BIRC6: variants seen among roughly 807,000 people sequenced by gnomAD.
BIRC6 encodes dual E2 ubiquitin-conjugating enzyme/E3 ubiquitin-protein ligase BIRC6.
In BIRC6, 98 loss-of-function variants were observed where a neutral mutation model predicts 503.3. The observed-to-expected ratio is 0.19, with a 90% CI of 0.17 to 0.23. The LOEUF (loss-of-function observed/expected upper bound fraction) is 0.23, where lower values mean the gene tolerates loss of function less well. Ranked by LOEUF, BIRC6 falls within the 10% of genes least tolerant of loss-of-function variation. BIRC6 has a pLI of 1.00. For missense variants in BIRC6, 5,360 were observed against 5,806.0 expected (o/e 0.92, Z 2.50); for synonymous variants, 2,240 against 2,078.7 (o/e 1.08, Z -2.11).
intron 23 of BIRC6, among the ~76,000 whole-genome samples, chr2:32,457,936 T>C (rs1254685654): frequency 1.3e-5 from 2 of 152,144 alleles, no homozygotes; most frequent in African/African-American, 4.8e-5. Context: ...AGATCTAATA[T>C]CTGATAATTA....
intron 10 of BIRC6, among the ~76,000 whole-genome samples, chr2:32,428,314 G>C (rs78713323): frequency 1.3e-5 from 2 of 152,168 alleles, no homozygotes; most frequent in Non-Finnish European, 2.9e-5. Flanking sequence ...ATGTAATTCT[G>C]TGTTAAATCC....
At chr2:32,541,532 G>T (rs2057665194) in intron 61 of BIRC6, among the ~76,000 whole-genome samples, 1 of 152,012 alleles carries the variant, frequency 6.6e-6, no homozygotes, top group African/African-American at 2.4e-5. Context: ...TCACCCCACA[G>T]AGTTACCTAT....
At chr2:32,436,582 GTTTGTT>G (rs930201724) in intron 15 of BIRC6, among the ~76,000 whole-genome samples, 6 of 151,974 alleles carry the variant, frequency 3.9e-5, no homozygotes, top group African/African-American at 1.4e-4. Context: ...TATTTTGTTT[GTTTGTT>G]TTTGTTTTTT....
intron 53 of BIRC6, 23 bp downstream of exon 53, chr2:32,510,657 A>G (rs2149605943): frequency 6.9e-7 from 1 of 1,439,372 alleles, no homozygotes; most frequent in East Asian, 2.3e-5. Flanking sequence ...TTTTCATTTA[A>G]TTAAGCACAC....
intron 65 of BIRC6, among the ~76,000 whole-genome samples, chr2:32,553,502 CTCAGCCACCCGAGTAGCTGGGACT>C (rs2058578715): frequency 6.6e-6 from 1 of 151,960 alleles, no homozygotes; most frequent in South Asian, 2.1e-4. Context: ...GTTCTCATGC[CTCAGCCACCCGAGTAGCTGGGACT>C]GCAGGCACCC....
intron 50 of BIRC6, among the ~76,000 whole-genome samples, chr2:32,506,621 A>AAGCAT (rs1313767344): frequency 1.3e-5 from 2 of 152,248 alleles, no homozygotes; most frequent in African/African-American, 4.8e-5. Flanking sequence ...TTGAAACAGG[A>AAGCAT]AGCATATTAT....
Position 32,471,060 on chromosome 2 carries a change from C to A in BIRC6, c.6528C>A (p.Ser2176=). The change falls in exon 32 of 74, where the codon TCC becomes TCA. Residue 2176 remains serine, a synonymous_variant. Coordinates refer to ENST00000421745, the MANE Select transcript of BIRC6 (RefSeq NM_016252.4). ...TCAGTTGGGTTGTTATGCTGGTGTC[C>A]AGGTTGCTGGATTATGTGGCAACTG... ...PMISWVVMLV[S]RLLDYVATVE... 1 of 1,583,506 alleles carries A rather than the reference C, an allele frequency of 6.3e-7. No homozygotes were observed. Among genetic ancestry groups the A allele is most frequent in the East Asian group, 2.3e-5 (1 of 44,088 alleles).
chr2:32,570,800 AT>A (rs895728580), intron 65 of BIRC6, among the ~76,000 whole-genome samples: 1 of 151,552 alleles, frequency 6.6e-6, no homozygotes, highest in African/African-American at 2.4e-5. Context: ...CGCTCGGCCT[AT>A]TTGTTTATTT....
intron 65 of BIRC6, among the ~76,000 whole-genome samples, chr2:32,556,502 C>A (rs185649671): frequency 6.6e-6 from 1 of 152,172 alleles, no homozygotes; most frequent in Admixed American, 6.5e-5. Context: ...TAACTACCTA[C>A]CAGATTAGCC....
chr2:32,373,626 T>C (rs1414349814), intron 1 of BIRC6, among the ~76,000 whole-genome samples: 1 of 152,172 alleles, frequency 6.6e-6, no homozygotes, highest in East Asian at 1.9e-4. Flanking sequence ...GGCACTCTTG[T>C]GCACTGCTGG....
Position 32,594,050 on chromosome 2 carries a change from A to G in BIRC6, c.13491A>G (p.Gln4497=). ...ATGCAGCCACCACCAGTTTGCGGCAAGCAAATCAGGGTACAAAACTTTTCC... is the reference window on the plus strand; with the variant it reads ...ATGCAGCCACCACCAGTTTGCGGCAGGCAAATCAGGGTACAAAACTTTTCC... ...IVYAATTSLR[Q]ANQEKKLGEY... is the part of the protein sequence containing the mutation. The change falls in exon 67 of 74, where the codon CAA becomes CAG. Residue 4497 remains glutamine, a synonymous_variant. Coordinates refer to ENST00000421745, the MANE Select transcript of BIRC6 (RefSeq NM_016252.4). The G allele has an allele frequency of 1.2e-6, 2 of 1,610,480 alleles. No homozygotes were observed. Among genetic ancestry groups the G allele is most frequent in the Middle Eastern group, 1.7e-4 (1 of 6,044 alleles).
At chr2:32,485,064 A>G (rs535244339) in intron 39 of BIRC6, among the ~76,000 whole-genome samples, 1 of 152,336 alleles carries the variant, frequency 6.6e-6, no homozygotes, top group South Asian at 2.1e-4. Flanking sequence ...TCACTTCTTA[A>G]AGGAGCATGG....
chr2:32,610,060 G>A (rs1559153611), intron 72 of BIRC6, among the ~76,000 whole-genome samples: 1 of 151,996 alleles, frequency 6.6e-6, no homozygotes, highest in Non-Finnish European at 1.5e-5. Flanking sequence ...TGATTCTGTT[G>A]TTACCACTGT....
At chr2:32,459,443 C>G (rs183640911) in intron 23 of BIRC6, among the ~76,000 whole-genome samples, 2 of 151,962 alleles carry the variant, frequency 1.3e-5, no homozygotes, top group Non-Finnish European at 2.9e-5. Flanking sequence ...TGTGTGTTTT[C>G]AGTTCTCTTG....
At chr2:32,407,576 G>A (rs1405538124) in intron 9 of BIRC6, among the ~76,000 whole-genome samples, 1 of 151,720 alleles carries the variant, frequency 6.6e-6, no homozygotes, top group Non-Finnish European at 1.5e-5. Flanking sequence ...TAGATGCTGT[G>A]TACTATGGAC....
At chr2:32,436,429 C>T (rs2044706955) in intron 15 of BIRC6, among the ~76,000 whole-genome samples, 3 of 152,124 alleles carry the variant, frequency 2.0e-5, no homozygotes, top group Admixed American at 2.0e-4. Flanking sequence ...GAAATGACTA[C>T]AGGATGACTT....
chr2:32,451,601 A>G (rs1205646374), intron 22 of BIRC6, among the ~76,000 whole-genome samples: 2 of 152,220 alleles, frequency 1.3e-5, no homozygotes, highest in Admixed American at 6.5e-5. Context: ...GATGAATGAT[A>G]CATATGCATA....
chr2:32,378,569 TGCCTCA>T (rs1174252576), intron 2 of BIRC6, among the ~76,000 whole-genome samples: 1 of 152,106 alleles, frequency 6.6e-6, no homozygotes, highest in Non-Finnish European at 1.5e-5. Context: ...GTGATTCTCT[TGCCTCA>T]GCCTCCCTAG....
intron 65 of BIRC6, among the ~76,000 whole-genome samples, chr2:32,568,268 A>G (rs1376665397): frequency 6.6e-6 from 1 of 151,066 alleles, no homozygotes; most frequent in Non-Finnish European, 1.5e-5. Flanking sequence ...AGGCAGGTAG[A>G]TTGCCTGAGC....
Sources: allele counts gnomAD v4.1 joint callset (sites outside exome capture counted in the v4.1 genomes callset), GRCh38; gene constraint gnomAD v4.1.1; transcripts MANE v1.5; gene names NCBI Gene and HGNC (gene_info 2026-07-23, HGNC 2026-07-21).